The following FSTL4 variants were observed in gnomAD, a reference collection of about 807,000 sequenced individuals.
FSTL4 encodes follistatin like 4.
Under a neutral mutation model 78.2 loss-of-function variants are expected in FSTL4, and 28 were observed. The ratio of observed to expected loss-of-function variants is 0.36; its 90% CI spans 0.27 to 0.49. FSTL4 has a LOEUF of 0.49. Ranked by LOEUF, FSTL4 falls within the 20% of genes least tolerant of loss-of-function variation. FSTL4 has a pLI of 0.98. For synonymous variants in FSTL4, 422 were observed against 440.5 expected, an observed-to-expected ratio of 0.96 and a Z score of 0.53; for missense variants, 922 against 1,084.9, an observed-to-expected ratio of 0.85 and a Z score of 2.11.
chr5:133,556,665 T>A (rs1437876319), intron 3 of FSTL4, among the ~76,000 whole-genome samples: 1 of 152,132 alleles, frequency 6.6e-6, no homozygotes, highest in African/African-American at 2.4e-5. Context: ...AGGCAGAGGT[T>A]GCAAAAAGTT....
At chr5:133,694,163 C>A in the FSTL4 span, among the ~76,000 whole-genome samples, 1 of 152,210 alleles carries the variant, frequency 6.6e-6, no homozygotes, top group African/African-American at 2.4e-5. Flanking sequence ...TGAAAAGCAT[C>A]AACTGATGCA....
At chr5:133,841,552 C>T in the FSTL4 span, among the ~76,000 whole-genome samples, 2 of 152,252 alleles carry the variant, frequency 1.3e-5, no homozygotes, top group South Asian at 4.1e-4. Flanking sequence ...GCCCTTTACA[C>T]ATGTCCATTC....
chr5:133,395,695 C>T (rs936770431), intron 4 of FSTL4, among the ~76,000 whole-genome samples: 4 of 151,810 alleles, frequency 2.6e-5, no homozygotes, highest in Non-Finnish European at 4.4e-5. Flanking sequence ...TTGCTCTTCC[C>T]GGAGACTGGA....
the FSTL4 span, among the ~76,000 whole-genome samples, chr5:133,706,594 C>T: frequency 2.0e-5 from 3 of 152,148 alleles, no homozygotes; most frequent in Non-Finnish European, 4.4e-5. Flanking sequence ...TTCATAAATG[C>T]CATGTGACAG....
chr5:133,829,057 C>G, the FSTL4 span, among the ~76,000 whole-genome samples: 2 of 152,154 alleles, frequency 1.3e-5, no homozygotes, highest in East Asian at 3.9e-4. Flanking sequence ...ACCATTTCTT[C>G]AGGTAATCCT....
the FSTL4 span, among the ~76,000 whole-genome samples, chr5:133,753,690 TG>T: frequency 0.31 from 30,136 of 98,772 alleles, 3,291 homozygotes; most frequent in East Asian, 0.53. Flanking sequence ...GTTCTGTGTG[TG>T]TGTGTGTGTG....
chr5:133,349,734 T>C (rs1458530357), intron 4 of FSTL4, among the ~76,000 whole-genome samples: 2 of 141,562 alleles, frequency 1.4e-5, no homozygotes, highest in Non-Finnish European at 3.0e-5. Flanking sequence ...CATGCTGCCA[T>C]GCGACTGTAA....
At chr5:133,447,840 T>C (rs1449009305) in intron 3 of FSTL4, among the ~76,000 whole-genome samples, 1 of 152,194 alleles carries the variant, frequency 6.6e-6, no homozygotes, top group African/African-American at 2.4e-5. Flanking sequence ...GCACCCAGCC[T>C]AGGATTATAA....
At chr5:133,206,163 C>CTA (rs1750494994) in intron 14 of FSTL4, among the ~76,000 whole-genome samples, 1 of 145,336 alleles carries the variant, frequency 6.9e-6, no homozygotes, top group Admixed American at 7.1e-5. Flanking sequence ...GTAAAATTAT[C>CTA]TATATTTTGA....
chr5:133,610,766 A>G (rs927928080), intron 1 of FSTL4, among the ~76,000 whole-genome samples: 5 of 152,240 alleles, frequency 3.3e-5, no homozygotes, highest in African/African-American at 1.2e-4. Context: ...AGAAGACACT[A>G]TTAAAAAGCA....
chr5:133,641,026 G>A, the FSTL4 span, among the ~76,000 whole-genome samples: 5 of 152,174 alleles, frequency 3.3e-5, no homozygotes, highest in Admixed American at 1.3e-4. Flanking sequence ...TGTGCAGGTT[G>A]TGTACTGCAC....
chr5:133,295,665 TA>T, intron 6 of FSTL4, among the ~76,000 whole-genome samples: 1 of 152,124 alleles, frequency 6.6e-6, no homozygotes, highest in East Asian at 1.9e-4. Context: ...TCCAAATGAC[TA>T]ATACAAGTCT....
the FSTL4 span, among the ~76,000 whole-genome samples, chr5:133,657,274 C>T: frequency 2.6e-5 from 4 of 152,226 alleles, no homozygotes; most frequent in African/African-American, 9.6e-5. Flanking sequence ...ACATAGTTTG[C>T]AAGAAGGATG....
intron 4 of FSTL4, among the ~76,000 whole-genome samples, chr5:133,336,235 C>G (rs1754459827): frequency 6.6e-6 from 1 of 152,208 alleles, no homozygotes; most frequent in Non-Finnish European, 1.5e-5. Flanking sequence ...GGGGAGGAGG[C>G]AAGGGTGGGG....
chr5:133,550,310 C>T (rs986706673), intron 3 of FSTL4, among the ~76,000 whole-genome samples: 2 of 152,196 alleles, frequency 1.3e-5, no homozygotes, highest in Non-Finnish European at 2.9e-5. Flanking sequence ...AGTATCTACT[C>T]TTTCTGAAAT....
chr5:133,610,311 A>T (rs1036517243), intron 1 of FSTL4, among the ~76,000 whole-genome samples: 2 of 152,240 alleles, frequency 1.3e-5, no homozygotes, highest in African/African-American at 4.8e-5. Context: ...AAAATTGAGG[A>T]TGATCATAAA....
At chr5:133,320,962 A>G (rs555901264) in intron 4 of FSTL4, among the ~76,000 whole-genome samples, 9 of 137,038 alleles carry the variant, frequency 6.6e-5, no homozygotes, top group South Asian at 2.4e-4. Flanking sequence ...AGCCGAGATC[A>G]CGCCACTGCA....
chr5:133,368,008 A>G (rs4958121), intron 4 of FSTL4, among the ~76,000 whole-genome samples: 74,655 of 152,242 alleles, frequency 0.49, 20,650 homozygotes, highest in African/African-American at 0.77. Flanking sequence ...AGACCATCTC[A>G]TCTAGCCTCT....
the FSTL4 span, among the ~76,000 whole-genome samples, chr5:133,619,767 G>C: frequency 6.6e-6 from 1 of 152,172 alleles, no homozygotes; most frequent in East Asian, 1.9e-4. Flanking sequence ...ACATACATCA[G>C]CATTGCCTAG....
Sources: gnomAD v4.1 joint callset for allele counts (sites outside exome capture counted in the v4.1 genomes callset) on GRCh38, gnomAD v4.1.1 for gene constraint, MANE v1.5 for transcripts, NCBI Gene and HGNC (gene_info 2026-07-23, HGNC 2026-07-21) for gene names.